RALGAPA2: variants seen among roughly 807,000 people sequenced by gnomAD.
The protein encoded by RALGAPA2 is Ral GTPase activating protein catalytic subunit alpha 2.
In RALGAPA2, 139 loss-of-function variants were observed where a neutral mutation model predicts 230.4. The observed-to-expected ratio is 0.60, with a 90% CI of 0.53 to 0.69. RALGAPA2 has a LOEUF of 0.69. Ranked by LOEUF, RALGAPA2 falls within the 30% of genes least tolerant of loss-of-function variation. The pLI, the probability that RALGAPA2 is intolerant of heterozygous loss-of-function variation, is 0.00. For missense variants in RALGAPA2, 2,163 were observed against 2,276.0 expected (o/e 0.95, Z 1.01); for synonymous variants, 847 against 837.8 (o/e 1.01, Z -0.19).
At chr20:20,487,501 C>A (rs1045728666) in intron 36 of RALGAPA2, among the ~76,000 whole-genome samples, 1 of 152,182 alleles carries the variant, frequency 6.6e-6, no homozygotes, top group African/African-American at 2.4e-5. Context: ...TTCAAAAGTG[C>A]TTTTCAGTTT....
At chr20:20,548,524 C>G (rs1025379437) in intron 23 of RALGAPA2, among the ~76,000 whole-genome samples, 1 of 151,454 alleles carries the variant, frequency 6.6e-6, no homozygotes, top group African/African-American at 2.4e-5. Context: ...TTTCCTACAT[C>G]AGAAATAAAC....
At chr20:20,565,742 G>A (rs2064398001) in intron 23 of RALGAPA2, among the ~76,000 whole-genome samples, 1 of 152,146 alleles carries the variant, frequency 6.6e-6, no homozygotes, top group African/African-American at 2.4e-5. Flanking sequence ...AAAATAAGTG[G>A]CTAAAATTTT....
rs746592074 is a variant in RALGAPA2, at chr20:20,583,117, A to G, written c.2640T>C (p.Asp880=). Residue 880 remains aspartate (D), a synonymous_variant, in exon 20 of 40, where the codon GAT becomes GAC. Transcript: ENST00000202677. ...EEDPELNTPT[D]VVADADARHW... The stretch of plus-strand genomic sequence containing the variant: ...GACGGGCATCAGCATCAGCCACAAC[A>G]TCTGTGGGAGTATTCAGTTCTGGGT... 7 of 1,613,670 alleles carry G rather than the reference A, an allele frequency of 4.3e-6. No individual in the cohort carries two copies. The Admixed American group carries it at 1.2e-4, about 27-fold the overall frequency.
intron 3 of RALGAPA2, among the ~76,000 whole-genome samples, chr20:20,662,518 G>T (rs1390714718): frequency 6.6e-6 from 1 of 151,948 alleles, no homozygotes. Flanking sequence ...TATTAAGGAA[G>T]AAATCAATAA....
At chr20:20,525,584 C>T (rs908271573) in intron 28 of RALGAPA2, among the ~76,000 whole-genome samples, 3 of 152,138 alleles carry the variant, frequency 2.0e-5, no homozygotes, top group African/African-American at 7.2e-5. Flanking sequence ...GAAGAGTTAC[C>T]ACTGGATGTA....
Position 20,680,797 on chromosome 20 carries a change from AT to A in RALGAPA2, c.110del (p.Asn37MetfsTer27). ...ACTGCTTAAGATCATTTGCATCCAC[AT>A]TATCTGAAAAGAAAAAGTTTCCATT... ...RLKHLRALLD[N>X]VDANDLKQFF... On this transcript the variant is annotated frameshift_variant, in exon 2 of 40. Coordinates refer to ENST00000202677, the MANE Select transcript of RALGAPA2 (RefSeq NM_020343.4). LOFTEE classifies it high-confidence loss of function. 6.4e-7 allele frequency: 1 copy of A among 1,566,842 alleles called. No homozygotes were observed. The highest frequency in any genetic ancestry group is 8.6e-7 in the Non-Finnish European group (1 of 1,163,912).
At chr20:20,478,098 C>T (rs2061691401) in intron 36 of RALGAPA2, among the ~76,000 whole-genome samples, 1 of 152,078 alleles carries the variant, frequency 6.6e-6, no homozygotes, top group African/African-American at 2.4e-5. Flanking sequence ...TGACAACAAA[C>T]AACAACAAAA....
At chr20:20,508,804 C>A (rs1023701815) in intron 33 of RALGAPA2, among the ~76,000 whole-genome samples, 6 of 152,082 alleles carry the variant, frequency 3.9e-5, no homozygotes, top group African/African-American at 1.4e-4. Flanking sequence ...TTGAAAATAC[C>A]CTTCACCATA....
chr20:20,616,567 T>C (rs567739180), intron 12 of RALGAPA2, among the ~76,000 whole-genome samples: 2 of 152,082 alleles, frequency 1.3e-5, no homozygotes, highest in South Asian at 4.2e-4. Context: ...TGAGAAACTG[T>C]AGAGGGGGAA....
chr20:20,575,216 T>C (rs774504538), intron 20 of RALGAPA2, among the ~76,000 whole-genome samples: 1 of 152,142 alleles, frequency 6.6e-6, no homozygotes, highest in Non-Finnish European at 1.5e-5. Flanking sequence ...GCCATCCATA[T>C]ACTCACAGCT....
chr20:20,635,155 G>T (rs758760209), intron 9 of RALGAPA2, among the ~76,000 whole-genome samples: 4 of 152,166 alleles, frequency 2.6e-5, no homozygotes, highest in Non-Finnish European at 5.9e-5. Context: ...GAGGAGCCAG[G>T]AGTGTGCACA....
At chr20:20,695,739 T>C (rs1435642738) in intron 1 of RALGAPA2, among the ~76,000 whole-genome samples, 5 of 152,232 alleles carry the variant, frequency 3.3e-5, no homozygotes, top group Non-Finnish European at 7.3e-5. Flanking sequence ...CACTGGTTCA[T>C]AGAATTACAT....
At chr20:20,563,810 T>G (rs1444657614) in intron 23 of RALGAPA2, among the ~76,000 whole-genome samples, 1 of 151,886 alleles carries the variant, frequency 6.6e-6, no homozygotes, top group Non-Finnish European at 1.5e-5. Flanking sequence ...TCCAACATAT[T>G]TCTCACACAC....
At chr20:20,672,576 GGGA>G in intron 3 of RALGAPA2, among the ~76,000 whole-genome samples, 1 of 152,248 alleles carries the variant, frequency 6.6e-6, no homozygotes, top group Admixed American at 6.5e-5. Context: ...TCCAAACGAA[GGGA>G]GTTAGTGAAC....
At chr20:20,400,281 C>G (rs1265682134) in intron 38 of RALGAPA2, among the ~76,000 whole-genome samples, 3 of 152,230 alleles carry the variant, frequency 2.0e-5, no homozygotes, top group Non-Finnish European at 4.4e-5. Flanking sequence ...TGTCCTGGCC[C>G]TGGCTCTGAC....
chr20:20,596,551 G>T (rs1457919346), intron 16 of RALGAPA2, among the ~76,000 whole-genome samples: 1 of 152,158 alleles, frequency 6.6e-6, no homozygotes, highest in Non-Finnish European at 1.5e-5. Flanking sequence ...CCTTGGGTCA[G>T]TCTCTTGATA....
intron 25 of RALGAPA2, 39 bp from the exon 26 acceptor site, chr20:20,535,842 C>G: frequency 6.5e-7 from 1 of 1,532,170 alleles, no homozygotes; most frequent in Non-Finnish European, 8.8e-7. Context: ...AACTTTGTGT[C>G]ATAGTTGGTT....
intron 36 of RALGAPA2, among the ~76,000 whole-genome samples, chr20:20,475,983 T>C (rs1186636513): frequency 6.6e-6 from 1 of 152,132 alleles, no homozygotes; most frequent in African/African-American, 2.4e-5. Flanking sequence ...AAAAATGTTG[T>C]TTATAACTGC....
At chr20:20,580,537 C>T (rs1430810747) in intron 20 of RALGAPA2, among the ~76,000 whole-genome samples, 2 of 152,162 alleles carry the variant, frequency 1.3e-5, no homozygotes, top group African/African-American at 4.8e-5. Flanking sequence ...GCATACCCTG[C>T]CTTGCCTTGC....
Sources: gnomAD v4.1 joint callset for allele counts (sites outside exome capture counted in the v4.1 genomes callset) on GRCh38, gnomAD v4.1.1 for gene constraint, MANE v1.5 for transcripts, NCBI Gene and HGNC (gene_info 2026-07-23, HGNC 2026-07-21) for gene names.